Variants in CTNND2 observed in about 807,000 individuals in gnomAD.
The protein encoded by CTNND2 is catenin delta 2.
In CTNND2, 22 loss-of-function variants were observed where a neutral mutation model predicts 144.4. The ratio of observed to expected loss-of-function variants is 0.15; its 90% confidence interval spans 0.11 to 0.22. The LOEUF is 0.22. Ranked by LOEUF, CTNND2 falls within the 10% of genes least tolerant of loss-of-function variation. CTNND2 has a pLI of 1.00. For synonymous variants in CTNND2, 751 were observed against 695.6 expected (o/e 1.08, Z -1.25); for missense variants, 1,353 against 1,618.8 (o/e 0.84, Z 2.82).
At chr5:11,356,994 C>T (rs1465877750) in intron 8 of CTNND2, among the ~76,000 whole-genome samples, 1 of 151,980 alleles carries the variant, frequency 6.6e-6, no homozygotes, top group Non-Finnish European at 1.5e-5. Context: ...TACCTCACTC[C>T]AGTTAGAATG....
chr5:11,253,809 T>C (rs1397816724), intron 9 of CTNND2, among the ~76,000 whole-genome samples: 1 of 152,244 alleles, frequency 6.6e-6, no homozygotes, highest in African/African-American at 2.4e-5. Flanking sequence ...CTTAGTGTTC[T>C]CCTGCCTTAA....
chr5:11,522,092 C>T (rs1772778412), intron 3 of CTNND2, among the ~76,000 whole-genome samples: 1 of 152,208 alleles, frequency 6.6e-6, no homozygotes, highest in South Asian at 2.1e-4. Flanking sequence ...TCTGTGGACA[C>T]ACAGCGTGAG....
At chr5:11,604,969 G>A (rs1171962142) in intron 2 of CTNND2, among the ~76,000 whole-genome samples, 1 of 152,140 alleles carries the variant, frequency 6.6e-6, no homozygotes, top group Non-Finnish European at 1.5e-5. Context: ...AAAGGTATTT[G>A]GAGCAAGGAA....
chr5:11,738,347 A>C (rs1787813367), intron 1 of CTNND2, among the ~76,000 whole-genome samples: 1 of 152,256 alleles, frequency 6.6e-6, no homozygotes, highest in Admixed American at 6.5e-5. Context: ...AAAAGCAGTT[A>C]GGCCCTGCAT....
intron 1 of CTNND2, among the ~76,000 whole-genome samples, chr5:11,797,213 T>C (rs1791451053): frequency 6.6e-6 from 1 of 152,156 alleles, no homozygotes; most frequent in Admixed American, 6.5e-5. Context: ...TTCACCACAA[T>C]TGAATGAGTG....
chr5:11,024,142 A>G (rs926873704), intron 16 of CTNND2, among the ~76,000 whole-genome samples: 1 of 152,214 alleles, frequency 6.6e-6, no homozygotes, highest in Non-Finnish European at 1.5e-5. Flanking sequence ...CAGGAAGGGA[A>G]CCTTGTGGGA....
At chr5:11,111,716 T>G (rs1267445309) in intron 13 of CTNND2, among the ~76,000 whole-genome samples, 1 of 152,202 alleles carries the variant, frequency 6.6e-6, no homozygotes, top group Non-Finnish European at 1.5e-5. Context: ...ACAATGCACT[T>G]GACATCTCTG....
At chr5:11,900,763 A>C (rs544200242) in intron 1 of CTNND2, among the ~76,000 whole-genome samples, 157 of 152,318 alleles carry the variant, frequency 1.0e-3, no homozygotes, top group Non-Finnish European at 1.8e-3. Context: ...CCAACTTGCA[A>C]ATCAGCCAGC....
chr5:11,553,730 C>T (rs1361368534), intron 3 of CTNND2, among the ~76,000 whole-genome samples: 2 of 152,072 alleles, frequency 1.3e-5, no homozygotes, highest in Non-Finnish European at 2.9e-5. Context: ...AAAGAATTTT[C>T]AACCCTAAAT....
chr5:11,773,640 T>C (rs1790072167), intron 1 of CTNND2, among the ~76,000 whole-genome samples: 1 of 152,020 alleles, frequency 6.6e-6, no homozygotes, highest in Admixed American at 6.6e-5. Flanking sequence ...TGAGACCCTG[T>C]CTCTACCAAA....
intron 16 of CTNND2, among the ~76,000 whole-genome samples, chr5:11,028,290 G>T (rs2149547406): frequency 6.6e-6 from 1 of 152,246 alleles, no homozygotes; most frequent in South Asian, 2.1e-4. Context: ...TAGTTCTATG[G>T]CCCTCCTGTT....
intron 9 of CTNND2, among the ~76,000 whole-genome samples, chr5:11,328,452 C>T (rs1752757539): frequency 6.6e-6 from 1 of 151,932 alleles, no homozygotes. Flanking sequence ...TGTCACCAGA[C>T]CTTTTTTTTT....
intron 2 of CTNND2, among the ~76,000 whole-genome samples, chr5:11,583,903 G>A (rs1490887155): frequency 2.6e-5 from 4 of 152,134 alleles, no homozygotes; most frequent in African/African-American, 7.2e-5. Flanking sequence ...TCAGGGTTAC[G>A]TCTGATTCTA....
chr5:11,046,058 G>A (rs1219405808), intron 16 of CTNND2, among the ~76,000 whole-genome samples: 1 of 152,078 alleles, frequency 6.6e-6, no homozygotes, highest in African/African-American at 2.4e-5. Context: ...GGGTGGAAAC[G>A]GGTATGCTGC....
chr5:11,447,489 TTAAAG>T (rs1329643903), intron 3 of CTNND2, among the ~76,000 whole-genome samples: 1 of 152,154 alleles, frequency 6.6e-6, no homozygotes, highest in Non-Finnish European at 1.5e-5. Context: ...GCTTTAAAAA[TTAAAG>T]TAACTATTTA....
At chr5:11,641,453 ATATATATATATCCTTTTATG>A (rs1219659844) in intron 2 of CTNND2, among the ~76,000 whole-genome samples, 2 of 151,028 alleles carry the variant, frequency 1.3e-5, no homozygotes, top group Admixed American at 6.6e-5. Context: ...GGATATATAT[ATATATATATATCCTTTTATG>A]TATGTATATG....
intron 2 of CTNND2, among the ~76,000 whole-genome samples, chr5:11,590,260 G>A (rs778731020): frequency 2.0e-5 from 3 of 151,994 alleles, no homozygotes; most frequent in Non-Finnish European, 4.4e-5. Context: ...TTAGCCAGGA[G>A]TCTTGATCTC....
chr5:11,103,568 A>G (rs1422861797), intron 14 of CTNND2, among the ~76,000 whole-genome samples: 1 of 151,898 alleles, frequency 6.6e-6, no homozygotes, highest in African/African-American at 2.4e-5. Flanking sequence ...TACTCAGGAG[A>G]CTGAGGCAGG....
intron 3 of CTNND2, among the ~76,000 whole-genome samples, chr5:11,488,025 C>T (rs1486488076): frequency 6.6e-6 from 1 of 152,180 alleles, no homozygotes; most frequent in Admixed American, 6.5e-5. Flanking sequence ...TAGTTGTCCA[C>T]CCACACTCAT....
Sources: gnomAD v4.1 joint callset for allele counts (sites outside exome capture counted in the v4.1 genomes callset) on GRCh38, gnomAD v4.1.1 for gene constraint, MANE v1.5 for transcripts, NCBI Gene and HGNC (gene_info 2026-07-23, HGNC 2026-07-21) for gene names.